The following ABCB1 variants were observed in gnomAD, a reference collection of about 807,000 sequenced individuals.
ABCB1 encodes the protein ATP binding cassette subfamily B member 1, also known as ATP-dependent translocase ABCB1.
In ABCB1, 69 loss-of-function variants were observed where a neutral mutation model predicts 142.0. That is an observed-to-expected ratio of 0.49 (90% CI 0.40 to 0.59). The LOEUF (loss-of-function observed/expected upper bound fraction) is 0.59. Among genes scored for constraint, ABCB1 ranks in the 20% least tolerant of loss-of-function variants. ABCB1 has a pLI of 0.00. For synonymous variants in ABCB1, 532 were observed against 539.2 expected (o/e 0.99, Z 0.18); for missense variants, 1,326 against 1,554.7 (o/e 0.85, Z 2.47).
chr7:87,562,693 A>T (rs1817611639), intron 7 of ABCB1, among the ~76,000 whole-genome samples: 1 of 151,848 alleles, frequency 6.6e-6, no homozygotes, highest in African/African-American at 2.4e-5. Flanking sequence ...TTCCATCATT[A>T]TAAGCAGACA....
chr7:87,658,418 G>C (rs1824337729), intron 1 of ABCB1, among the ~76,000 whole-genome samples: 2 of 152,142 alleles, frequency 1.3e-5, no homozygotes, highest in African/African-American at 4.8e-5. Flanking sequence ...AATAACAAAA[G>C]ATGACACCTG....
At chr7:87,629,914 C>G (rs1321674325) in intron 1 of ABCB1, among the ~76,000 whole-genome samples, 2 of 142,518 alleles carry the variant, frequency 1.4e-5, no homozygotes, top group Non-Finnish European at 3.0e-5. Context: ...CAGGGGGAGA[C>G]TTCGTCAAAA....
intron 1 of ABCB1, among the ~76,000 whole-genome samples, chr7:87,658,187 A>AGCAAAGAAATGGAAGAT (rs1381453563): frequency 6.6e-6 from 1 of 152,196 alleles, no homozygotes; most frequent in African/African-American, 2.4e-5. Flanking sequence ...AGAAATCCAC[A>AGCAAAGAAATGGAAGAT]GCAAAGAAAT....
chr7:87,645,971 T>G (rs1360621765), intron 1 of ABCB1, among the ~76,000 whole-genome samples: 1 of 152,226 alleles, frequency 6.6e-6, no homozygotes, highest in Non-Finnish European at 1.5e-5. Flanking sequence ...CTGACTTTGA[T>G]ATAATAGAAA....
In ABCB1 at chr7:87,554,078, A is replaced by G. The variant is rs1817210629; in HGVS notation, c.828-146T>C. The stretch of plus-strand genomic sequence containing the variant: ...TGCTCATACATTGACCCTATATAGT[A>G]GTACTGTTTTACTCCCTTTTTGCAG... On this transcript the variant is annotated intron_variant, in intron 8 of 27. Transcript: ENST00000622132. 28 of 722,118 alleles carry G rather than the reference A, an allele frequency of 3.9e-5. No homozygotes were observed. In the South Asian group the frequency reaches 4.7e-4, roughly 12 times the overall value. 44.7% of individuals were successfully genotyped at this position (722,118 alleles called of 1,614,324 possible). A position where few individuals can be genotyped will look rare whatever the true frequency, so the allele number is the denominator to read the frequency against.
chr7:87,693,028 A>G (rs184652197), intron 1 of ABCB1, among the ~76,000 whole-genome samples: 1 of 152,228 alleles, frequency 6.6e-6, no homozygotes, highest in East Asian at 1.9e-4. Context: ...TATTGGTTTT[A>G]TAAAGGATCT....
chr7:87,544,893 T>G lies in ABCB1; in HGVS notation c.1994A>C (p.Lys665Thr). The G allele has an allele frequency of 3.7e-6, 6 of 1,614,172 alleles. No homozygotes were observed. Among genetic ancestry groups the G allele is most frequent in the Non-Finnish European group, 5.1e-6 (6 of 1,180,024 alleles). ...ACGGACACTCCTACGAGTTGATCTT[T>G]TTCTTATTAGACTGGATCTTGAATC... The part of the protein sequence containing the change: ...SNDSRSSLIR[K>T]RSTRRSVRGS... Residue 665 changes from lysine (K) to threonine (T), a missense_variant, in exon 16 of 28, where the codon AAA becomes ACA. Coordinates refer to ENST00000622132, the MANE Select transcript of ABCB1 (RefSeq NM_001348946.2).
intron 7 of ABCB1, among the ~76,000 whole-genome samples, chr7:87,564,423 TGTG>T (rs1817704042): frequency 6.6e-6 from 1 of 151,712 alleles, no homozygotes; most frequent in Non-Finnish European, 1.5e-5. Flanking sequence ...TCGGGAAGAG[TGTG>T]GTGGTTTCCT....
Position 87,550,177 on chromosome 7 carries a change from C to T in ABCB1, c.1344G>A (p.Glu448=), listed in dbSNP as rs1816987870. ...QLMQRLYDPT[E]GMVSVDGQDI... ...CTCGCATGGGTCATCTCACCATCCC[C>T]TCTGTGGGGTCATAGAGCCTCTGCA... The change falls in exon 12 of 28, where the codon GAG becomes GAA. Residue 448 remains glutamate (E), a synonymous_variant. Coordinates refer to ENST00000622132, the MANE Select transcript of ABCB1 (RefSeq NM_001348946.2). 1 of 1,614,232 alleles carries T rather than the reference C, an allele frequency of 6.2e-7. No individual in the cohort carries two copies. Among genetic ancestry groups the T allele is most frequent in the Non-Finnish European group, 8.5e-7 (1 of 1,180,044 alleles).
At chr7:87,509,624 A>C (rs942607780) in intron 25 of ABCB1, 143 bp from the exon 26 acceptor site, 8 of 837,176 alleles carry the variant, frequency 9.6e-6, no homozygotes, top group Non-Finnish European at 1.6e-5. Flanking sequence ...TGGATAGTGA[A>C]GGTTAACCCA....
At chr7:87,589,903 A>G (rs1176476059) in intron 3 of ABCB1, among the ~76,000 whole-genome samples, 2 of 151,728 alleles carry the variant, frequency 1.3e-5, no homozygotes, top group African/African-American at 4.9e-5. Flanking sequence ...TGCTGAAAGG[A>G]AAGAGAGAGA....
At chr7:87,616,083 T>C (rs139950462) in intron 1 of ABCB1, among the ~76,000 whole-genome samples, 3 of 152,336 alleles carry the variant, frequency 2.0e-5, no homozygotes, top group African/African-American at 7.2e-5. Flanking sequence ...TAACATAAAG[T>C]TATATTTTAT....
chr7:87,534,490 G>A (rs1476019815), intron 20 of ABCB1, among the ~76,000 whole-genome samples: 1 of 152,158 alleles, frequency 6.6e-6, no homozygotes, highest in African/African-American at 2.4e-5. Context: ...AAAGTTAGCA[G>A]TGCAAATTTC....
At chr7:87,700,384 CT>C in intron 1 of ABCB1, 1 of 1,517,166 alleles carries the variant, frequency 6.6e-7, no homozygotes, top group Non-Finnish European at 8.9e-7. Context: ...TTTTATTTTA[CT>C]TTTTAAAATT....
Position 87,561,261 on chromosome 7 carries a change from A to G in ABCB1, c.827+2T>C, listed in dbSNP as rs1383730977. 3 of 1,613,522 alleles carry G rather than the reference A, an allele frequency of 1.9e-6. No individual in the cohort carries two copies. The highest frequency in any genetic ancestry group is 2.5e-6 in the Non-Finnish European group (3 of 1,179,828). ...CTATCCATTTAAAAAAGAAACTCAA[A>G]CCTTTCAAGTTCTTTCTTTTGTCCT... On this transcript the variant is annotated splice_donor_variant, in intron 8 of 27. Transcript: ENST00000622132. LOFTEE classifies it high-confidence loss of function.
At chr7:87,667,519 AT>A in intron 1 of ABCB1, among the ~76,000 whole-genome samples, 1 of 152,004 alleles carries the variant, frequency 6.6e-6, no homozygotes, top group Non-Finnish European at 1.5e-5. Flanking sequence ...TAGGACTTCC[AT>A]TACTATTTTT....
intron 18 of ABCB1, among the ~76,000 whole-genome samples, chr7:87,540,536 C>T (rs989855725): frequency 4.6e-5 from 7 of 152,208 alleles, no homozygotes; most frequent in African/African-American, 1.7e-4. Context: ...CTCCTCCTGG[C>T]CTCCTGGGTT....
chr7:87,655,525 C>T (rs559773017), intron 1 of ABCB1, among the ~76,000 whole-genome samples: 3 of 151,962 alleles, frequency 2.0e-5, no homozygotes, highest in Non-Finnish European at 2.9e-5. Context: ...AAGTTGAATT[C>T]GTAGAAGTAG....
Position 87,548,739 on chromosome 7 carries a change from C to T in ABCB1, c.1725+609G>A, listed in dbSNP as rs28381905. Among the ~76,000 whole-genome samples, 1,041 of 152,238 alleles carry T rather than the reference C, an allele frequency of 6.8e-3. 7 individuals are homozygous for T. The highest frequency in any genetic ancestry group is 0.021 in the African/African-American group (864 of 41,548). ...GATCAAAGGCACAGTGCCCGGCACA[C>T]GGCAAACACTCAAATGCTATTTGGT... On this transcript the variant is annotated intron_variant, in intron 14 of 27. Coordinates refer to ENST00000622132, the MANE Select transcript of ABCB1 (RefSeq NM_001348946.2).
Sources: allele counts gnomAD v4.1 joint callset (sites outside exome capture counted in the v4.1 genomes callset), GRCh38; gene constraint gnomAD v4.1.1; transcripts MANE v1.5; gene names NCBI Gene and HGNC (gene_info 2026-07-23, HGNC 2026-07-21).